Variants in BTAF1 observed in about 807,000 individuals in gnomAD.
BTAF1 encodes the protein B-TFIID TATA-box binding protein associated factor 1.
In BTAF1, 38 loss-of-function variants were observed where a neutral mutation model predicts 227.1. The observed-to-expected ratio is 0.17, with a 90% CI of 0.13 to 0.22. The LOEUF (loss-of-function observed/expected upper bound fraction) is 0.22. Among genes scored for constraint, BTAF1 ranks in the 10% least tolerant of loss-of-function variants. BTAF1 has a pLI of 1.00. For missense variants in BTAF1, 1,598 were observed against 2,204.0 expected (o/e 0.73, Z 5.51); for synonymous variants, 742 against 751.9 (o/e 0.99, Z 0.21).
chr10:92,026,951 C>T (rs771408224), intron 36 of BTAF1, among the ~76,000 whole-genome samples, 179 bp from the exon 37 acceptor site: 5 of 152,174 alleles, frequency 3.3e-5, no homozygotes, highest in Non-Finnish European at 7.3e-5. Flanking sequence ...ACCTGGATCA[C>T]TGTTCATCCC....
intron 28 of BTAF1, among the ~76,000 whole-genome samples, chr10:92,010,290 A>G (rs1359089945): frequency 1.3e-5 from 2 of 152,350 alleles, no homozygotes; most frequent in African/African-American, 2.4e-5. Context: ...GCAGTTTACT[A>G]TAGTGCCTCT....
intron 3 of BTAF1, among the ~76,000 whole-genome samples, chr10:91,941,477 C>G (rs1844996060): frequency 6.6e-6 from 1 of 152,162 alleles, no homozygotes; most frequent in South Asian, 2.1e-4. Flanking sequence ...GTATAACTTA[C>G]AGCTTTTTGA....
At chr10:91,991,803 A>G (rs1344276423) in intron 20 of BTAF1, among the ~76,000 whole-genome samples, 3 of 5,236 alleles carry the variant, frequency 5.7e-4, no homozygotes, top group Admixed American at 2.3e-3. Flanking sequence ...GTGTGTATAT[A>G]TATATATATA....
intron 25 of BTAF1, among the ~76,000 whole-genome samples, chr10:92,004,628 C>G (rs527751463): frequency 6.6e-6 from 1 of 152,156 alleles, no homozygotes; most frequent in African/African-American, 2.4e-5. Context: ...CCACCATGCC[C>G]AGCTAACTTT....
intron 30 of BTAF1, among the ~76,000 whole-genome samples, chr10:92,011,860 A>G (rs544450393): frequency 4.6e-5 from 7 of 152,200 alleles, no homozygotes; most frequent in African/African-American, 1.7e-4. Context: ...GGAAGGAGAT[A>G]GGTATGTATG....
intron 2 of BTAF1, 140 bp from the exon 3 acceptor site, chr10:91,939,812 A>G (rs1308511955): frequency 1.1e-5 from 5 of 473,408 alleles, no homozygotes; most frequent in Admixed American, 3.4e-5. Flanking sequence ...AATGAATTTA[A>G]TAATTCTAAG....
rs147944158 is a variant in BTAF1, at chr10:91,989,465, C to T, written c.2739C>T (p.Pro913=). ...KLLQQCTTRT[P]CPNSKIIKNL... is the part of the protein sequence containing the mutation. ...TTCAGCAGTGCACAACAAGGACGCC[C>T]TGTCCCAATTCAAAAATTATTAAAA... Residue 913 remains proline (P), a synonymous_variant, in exon 20 of 38, where the codon CCC becomes CCT. Transcript: ENST00000265990. 7.4e-6 allele frequency: 12 copies of T among 1,614,078 alleles called. No homozygotes were observed. In the African/African-American group the frequency reaches 1.5e-4, roughly 20 times the overall value.
chr10:91,967,036 G>A (rs1292058996), intron 14 of BTAF1, among the ~76,000 whole-genome samples: 1 of 152,174 alleles, frequency 6.6e-6, no homozygotes, highest in Admixed American at 6.5e-5. Context: ...GTCTCTTCCT[G>A]TCAGAGACCT....
Position 91,992,213 on chromosome 10 carries a change from C to T in BTAF1, c.2949C>T (p.Ile983=). The T allele has an allele frequency of 6.2e-7, 1 of 1,613,906 alleles. No homozygotes were observed. The highest frequency in any genetic ancestry group is 8.5e-7 in the Non-Finnish European group (1 of 1,179,966). The change falls in exon 21 of 38, where the codon ATC becomes ATT. Residue 983 remains isoleucine (I), a synonymous_variant. Coordinates refer to ENST00000265990, the MANE Select transcript of BTAF1 (RefSeq NM_003972.3). ...GGCACCAGAAAGCTGCCTTTGCTAT[C>T]ACAAGTAGGCGAGGTCCTACCCCCA... ...LYRHQKAAFA[I]TSRRGPTPKA... is the part of the protein sequence containing the mutation.
intron 37 of BTAF1, 50 bp downstream of exon 37, chr10:92,027,350 G>T: frequency 1.3e-6 from 2 of 1,510,750 alleles, no homozygotes; most frequent in South Asian, 1.3e-5. Context: ...GGCTTCCTGT[G>T]ACTGCTAAGT....
chr10:91,996,660 C>A, intron 24 of BTAF1, 90 bp downstream of exon 24: 1 of 1,229,298 alleles, frequency 8.1e-7, no homozygotes, highest in Non-Finnish European at 1.1e-6. Flanking sequence ...CTAATATGCA[C>A]ATAAATAACC....
intron 30 of BTAF1, among the ~76,000 whole-genome samples, chr10:92,013,234 G>T (rs1850491748): frequency 6.6e-6 from 1 of 152,202 alleles, no homozygotes; most frequent in Non-Finnish European, 1.5e-5. Context: ...TCTTTGCATT[G>T]TGGCCCATAA....
At chr10:92,028,766 T>G in intron 37 of BTAF1, 24 bp from the exon 38 acceptor site, 1 of 1,576,704 alleles carries the variant, frequency 6.3e-7, no homozygotes, top group Non-Finnish European at 8.6e-7. Context: ...TTTATTTTTT[T>G]TTTTTTTGCC....
intron 13 of BTAF1, 109 bp downstream of exon 13, chr10:91,964,310 A>G: frequency 7.8e-7 from 1 of 1,284,082 alleles, no homozygotes; most frequent in Non-Finnish European, 1.1e-6. Context: ...AATATTATTT[A>G]AGCTGGAGAT....
intron 35 of BTAF1, 137 bp from the exon 36 acceptor site, chr10:92,026,455 T>C (rs2134187810): frequency 3.0e-6 from 2 of 661,000 alleles, no homozygotes; most frequent in South Asian, 5.4e-5. Flanking sequence ...GAGGATATTT[T>C]TCTCAGATGA....
At chr10:92,011,239 C>A in intron 29 of BTAF1, 47 bp from the exon 30 acceptor site, 1 of 1,503,340 alleles carries the variant, frequency 6.7e-7, no homozygotes. Context: ...CATATAGTTC[C>A]TGACATACAG....
chr10:91,953,101 A>C (rs1429197794), intron 5 of BTAF1, among the ~76,000 whole-genome samples: 2 of 152,236 alleles, frequency 1.3e-5, no homozygotes, highest in East Asian at 1.9e-4. Context: ...TCAAGACTGC[A>C]GCAGAACATC....
intron 5 of BTAF1, among the ~76,000 whole-genome samples, chr10:91,953,234 G>C (rs1845884666): frequency 6.6e-6 from 1 of 152,154 alleles, no homozygotes; most frequent in East Asian, 1.9e-4. Flanking sequence ...AGTGTCTTCT[G>C]TGAATGGAAA....
In BTAF1 at chr10:91,989,139, T is replaced by C. The variant is rs1382294173; in HGVS notation, c.2428-15T>C. ...GATATGATTAATGATTTTTAATTTC[T>C]TTTTTTTTTAATAGGTCACTACTGT... On this transcript the variant is annotated splice_polypyrimidine_tract_variant and intron_variant, in intron 19 of 37. Transcript: ENST00000265990. 7.3e-7 allele frequency: 1 copy of C among 1,366,158 alleles called. No homozygotes were observed. Among genetic ancestry groups the C allele is most frequent in the Non-Finnish European group, 1.0e-6 (1 of 1,003,816 alleles). The allele number at this position is 1,366,158 out of a possible 1,614,324, so 84.6% of individuals were successfully genotyped here.
Sources: allele counts gnomAD v4.1 joint callset (sites outside exome capture counted in the v4.1 genomes callset), GRCh38; gene constraint gnomAD v4.1.1; transcripts MANE v1.5; gene names NCBI Gene and HGNC (gene_info 2026-07-23, HGNC 2026-07-21).